The following WSCD1 variants were observed in gnomAD, a reference collection of about 807,000 sequenced individuals.
WSCD1 encodes sialate:O-sulfotransferase 1.
In WSCD1, 41 loss-of-function variants were observed where a neutral mutation model predicts 60.4. The ratio of observed to expected loss-of-function variants is 0.68; its 90% confidence interval spans 0.53 to 0.88. WSCD1 has a LOEUF of 0.88. Ranked by LOEUF, WSCD1 falls within the 40% of genes least tolerant of loss-of-function variation. WSCD1 has a pLI of 0.00. For missense variants in WSCD1, 784 were observed against 796.2 expected (o/e 0.98, Z 0.18); for synonymous variants, 361 against 332.5 (o/e 1.09, Z -0.93).
Position 6,080,195 on chromosome 17 carries a change from A to C in WSCD1, c.-288-176A>C, listed in dbSNP as rs779459464. 1 of 176,238 alleles carries C rather than the reference A, an allele frequency of 5.7e-6. No homozygotes were observed. Among genetic ancestry groups the C allele is most frequent in the Non-Finnish European group, 1.2e-5 (1 of 85,288 alleles). 10.9% of individuals were successfully genotyped at this position (176,238 alleles called of 1,614,324 possible). A position where few individuals can be genotyped will look rare whatever the true frequency, so the allele number is the denominator to read the frequency against. ...CCCAGCAAGGTTAAGCAACCTACCC[A>C]GTGTCACACAGCTGGCCAGTAACAA... On this transcript the variant is annotated intron_variant, in intron 1 of 8. Coordinates refer to ENST00000317744, the MANE Select transcript of WSCD1 (RefSeq NM_015253.2). This position sits in a 1 kb window ranked among gnomAD's most constrained non-coding sequence, Gnocchi z 6.6.
In WSCD1 at chr17:6,120,358, C is replaced by A; in HGVS notation, c.1425C>A (p.Val475=). ...NSYASWWSSH[V]LDWLKYGKRL... is the part of the protein sequence containing the mutation. The stretch of plus-strand genomic sequence containing the variant: ...ACGCCTCGTGGTGGTCCTCGCACGT[C>A]CTGGACTGGCTCAAGTACGGGAAGC... The change falls in exon 9 of 9, where the codon GTC becomes GTA. Residue 475 remains valine, a synonymous_variant. Coordinates refer to ENST00000317744, the MANE Select transcript of WSCD1 (RefSeq NM_015253.2). 1 of 1,614,122 alleles carries A rather than the reference C, an allele frequency of 6.2e-7. No individual in the cohort carries two copies. The highest frequency in any genetic ancestry group is 8.5e-7 in the Non-Finnish European group (1 of 1,180,036).
At position 6,123,519 on chromosome 17, in the gene WSCD1, A is replaced by C. The variant is rs1407739417; in HGVS notation, c.*2858A>C. The C allele has an allele frequency of 1.3e-5, 2 of 152,280 alleles. No homozygotes were observed. Among genetic ancestry groups the C allele is most frequent in the East Asian group, 3.9e-4 (2 of 5,186 alleles). 9.4% of individuals were successfully genotyped at this position (152,280 alleles called of 1,614,324 possible). On this transcript the variant is annotated 3_prime_UTR_variant, in exon 9 of 9. Transcript: ENST00000317744. Reference sequence around the variant, plus strand: ...GATTTTGAGTGCATGAATCTGTGATAATGTTTGCATATCAGAATGCATTCT... The same window carrying C: ...GATTTTGAGTGCATGAATCTGTGATCATGTTTGCATATCAGAATGCATTCT...
rs3826521 is a variant in WSCD1 at position 6,122,199 on chromosome 17, C to T, written c.*1538C>T. 1 of 152,154 alleles carries T rather than the reference C, an allele frequency of 6.6e-6. No homozygotes were observed. The highest frequency in any genetic ancestry group is 2.4e-5 in the African/African-American group (1 of 41,416). The allele number at this position is 152,154 out of a possible 1,614,324, so 9.4% of individuals were successfully genotyped here. ...GCTTCCTAGCCTGATGATGGGGAACCCAGAGCCACCCGCTATGAGCACAGG... is the reference window on the plus strand; with the variant it reads ...GCTTCCTAGCCTGATGATGGGGAACTCAGAGCCACCCGCTATGAGCACAGG... On this transcript the variant is annotated 3_prime_UTR_variant, in exon 9 of 9. Transcript: ENST00000317744.
chr17:6,109,615 C>T lies in WSCD1; in HGVS notation c.858C>T (p.Pro286=). 6.2e-7 allele frequency: 1 copy of T among 1,613,874 alleles called. No homozygotes were observed. Among genetic ancestry groups the T allele is most frequent in the Non-Finnish European group, 8.5e-7 (1 of 1,179,846 alleles). ...TTATCGTTCCCTGGCAGGAGTTCCC[C>T]TTGGCCATTCTCAGGGGCTGGGAAT... The part of the protein sequence containing the change: ...CSGFCSQKEF[P]LAILRGWECY... The change falls in exon 6 of 9, where the codon CCC becomes CCT. Residue 286 remains proline (P), a synonymous_variant. Coordinates refer to ENST00000317744, the MANE Select transcript of WSCD1 (RefSeq NM_015253.2).
chr17:6,090,198 T>A, intron 3 of WSCD1, 123 bp from the exon 4 acceptor site: 1 of 1,033,124 alleles, frequency 9.7e-7, no homozygotes. Flanking sequence ...AAAGTATAAT[T>A]AAAACAAAAA....
In WSCD1 at chr17:6,090,303, C is replaced by T. The variant is rs1407547798; in HGVS notation, c.543-18C>T. ...CTCTGGGCCAAGGTCCGGACTCACCCAGGCCTCCTCCCTGCAGGTCCTATG... is the reference window on the plus strand; with the variant it reads ...CTCTGGGCCAAGGTCCGGACTCACCTAGGCCTCCTCCCTGCAGGTCCTATG... On this transcript the variant is annotated intron_variant, in intron 3 of 8. Coordinates refer to ENST00000317744, the MANE Select transcript of WSCD1 (RefSeq NM_015253.2). The T allele has an allele frequency of 3.6e-5, 57 of 1,563,906 alleles. No individual in the cohort carries two copies. Among genetic ancestry groups the T allele is most frequent in the Non-Finnish European group, 4.9e-5 (57 of 1,158,282 alleles).
chr17:6,075,103 C>G lies in WSCD1; in HGVS notation c.-289+4451C>G, dbSNP rs374974171. Among the ~76,000 whole-genome samples the G allele has an allele frequency of 4.6e-5, 7 of 152,284 alleles. No homozygotes were observed. The highest frequency in any genetic ancestry group is 3.9e-4 in the Admixed American group (6 of 15,304). On this transcript the variant is annotated intron_variant, in intron 1 of 8. Coordinates refer to ENST00000317744, the MANE Select transcript of WSCD1 (RefSeq NM_015253.2). This position sits in a 1 kb window ranked among gnomAD's most constrained non-coding sequence, Gnocchi z 4.1. ...GCTTCTAGGACCCAGATGCCCATCA[C>G]CTTGTCTAGAGAGCAACGTTCTGGG...
Position 6,120,591 on chromosome 17 carries a change from T to G in WSCD1, c.1658T>G (p.Ile553Ser). 1 of 1,613,584 alleles carries G rather than the reference T, an allele frequency of 6.2e-7. No homozygotes were observed. The highest frequency in any genetic ancestry group is 8.5e-7 in the Non-Finnish European group (1 of 1,179,990). The change falls in exon 9 of 9, where the codon ATC becomes AGC. Residue 553 changes from isoleucine to serine, a missense_variant. Ile to Ser is a moderately radical substitution (Grantham distance 142, BLOSUM62 -2). Transcript: ENST00000317744. Reference protein sequence around the residue: ...PEMKDLINGYIRTVDQALRDH... With the variant: ...PEMKDLINGYSRTVDQALRDH... ...ATGAAAGACTTGATCAATGGCTACA[T>G]CCGGACGGTGGACCAAGCCCTGCGT...
rs1023372415 is a variant in WSCD1, at chr17:6,082,315, AG to A, written c.427+1232del. 2.8e-4 allele frequency among the ~76,000 whole-genome samples: 43 copies of A among 152,254 alleles called. 1 individual carries two copies. Among genetic ancestry groups the A allele is most frequent in the African/African-American group, 1.0e-3 (42 of 41,558 alleles). Reference sequence around the variant, plus strand: ...CGCGGGAAGTGGGACAGGGAAGGGAAGGCAGCCAGTGAAGGGTGTGTTATCA... The same window carrying A: ...CGCGGGAAGTGGGACAGGGAAGGGAAGCAGCCAGTGAAGGGTGTGTTATCA... On this transcript the variant is annotated intron_variant, in intron 2 of 8. Transcript: ENST00000317744.
chr17:6,096,338 G>C (rs967689354), intron 5 of WSCD1, among the ~76,000 whole-genome samples: 1 of 152,112 alleles, frequency 6.6e-6, no homozygotes, highest in South Asian at 2.1e-4. Context: ...AGATGTGATC[G>C]GATCTGCAGG....
At chr17:6,088,696 G>GCACA (rs66881392) in intron 3 of WSCD1, among the ~76,000 whole-genome samples, 2 of 150,058 alleles carry the variant, frequency 1.3e-5, no homozygotes, top group African/African-American at 4.9e-5. Context: ...TGTGTGTGCT[G>GCACA]CACACACACA....
chr17:6,094,954 A>G (rs1459949506), intron 4 of WSCD1, 148 bp from the exon 5 acceptor site: 3 of 1,231,548 alleles, frequency 2.4e-6, no homozygotes, highest in African/African-American at 1.5e-5. Context: ...ACTATGTCCC[A>G]TGCAGGGCCG....
chr17:6,115,029 T>C (rs915879278), intron 7 of WSCD1, among the ~76,000 whole-genome samples: 1 of 152,238 alleles, frequency 6.6e-6, no homozygotes, highest in Non-Finnish European at 1.5e-5. Context: ...ACTCATTCTT[T>C]TTTAATAAAA....
At chr17:6,119,284 C>A (rs1904495658) in intron 8 of WSCD1, among the ~76,000 whole-genome samples, 1 of 152,268 alleles carries the variant, frequency 6.6e-6, no homozygotes, top group Non-Finnish European at 1.5e-5. Context: ...TGGAATCAGT[C>A]TTCTGACTCA....
chr17:6,087,702 G>T (rs1432135962), intron 2 of WSCD1, among the ~76,000 whole-genome samples: 1 of 152,246 alleles, frequency 6.6e-6, no homozygotes, highest in Admixed American at 6.5e-5. Context: ...CTGAGTTGGG[G>T]TAGTGGAAGA....
intron 1 of WSCD1, among the ~76,000 whole-genome samples, chr17:6,074,896 G>T (rs1178384366): frequency 1.3e-5 from 2 of 152,086 alleles, no homozygotes; most frequent in Admixed American, 6.5e-5. Context: ...CAGTCTTTTG[G>T]AGAGGGGATG....
At chr17:6,088,392 G>A (rs898099112) in intron 3 of WSCD1, among the ~76,000 whole-genome samples, 3 of 152,122 alleles carry the variant, frequency 2.0e-5, no homozygotes, top group Non-Finnish European at 4.4e-5. Flanking sequence ...CTGGGTGCAG[G>A]GAGATGCGAC....
chr17:6,074,716 C>T (rs1219805671), intron 1 of WSCD1, among the ~76,000 whole-genome samples: 1 of 152,230 alleles, frequency 6.6e-6, no homozygotes, highest in African/African-American at 2.4e-5. Flanking sequence ...GCACAAGCAT[C>T]CCTGGCTGGT....
In WSCD1 at chr17:6,123,053, T is replaced by C. The variant is rs1468273343; in HGVS notation, c.*2392T>C. On this transcript the variant is annotated 3_prime_UTR_variant, in exon 9 of 9. Transcript: ENST00000317744. Reference sequence around the variant, plus strand: ...TCAGAAACAGGAACGGGGATCTGTCTGTGCTTGCAGGAAAGTCCATTTGTT... The same window carrying C: ...TCAGAAACAGGAACGGGGATCTGTCCGTGCTTGCAGGAAAGTCCATTTGTT... 6.6e-6 allele frequency: 1 copy of C among 152,254 alleles called. No individual in the cohort carries two copies. The highest frequency in any genetic ancestry group is 1.5e-5 in the Non-Finnish European group (1 of 68,068). 9.4% of individuals were successfully genotyped at this position (152,254 alleles called of 1,614,324 possible). A position where few individuals can be genotyped will look rare whatever the true frequency, so the allele number is the denominator to read the frequency against.
Sources: gnomAD v4.1 joint callset for allele counts (sites outside exome capture counted in the v4.1 genomes callset) on GRCh38, gnomAD v4.1.1 for gene constraint, Gnocchi (gnomAD v3.1) non-coding constraint, MANE v1.5 for transcripts, NCBI Gene and HGNC (gene_info 2026-07-23, HGNC 2026-07-21) for gene names.